FAM135A: variants seen among roughly 807,000 people sequenced by gnomAD.
FAM135A encodes the protein protein FAM135A.
A neutral mutation model predicts 146.8 loss-of-function variants in FAM135A; 79 were observed. The ratio of observed to expected loss-of-function variants is 0.54; its 90% CI spans 0.45 to 0.65. The LOEUF (loss-of-function observed/expected upper bound fraction) is 0.65, where lower values mean the gene tolerates loss of function less well. FAM135A is among the 30% of genes least tolerant of loss of function. The pLI, the probability that FAM135A is intolerant of heterozygous loss-of-function variation, is 0.00. For synonymous variants in FAM135A, 562 were observed against 603.6 expected, an observed-to-expected ratio of 0.93 and a Z score of 1.01; for missense variants, 1,623 against 1,758.2, an observed-to-expected ratio of 0.92 and a Z score of 1.38.
chr6:70,493,576 C>T (rs1786538826), intron 11 of FAM135A, among the ~76,000 whole-genome samples: 1 of 152,078 alleles, frequency 6.6e-6, no homozygotes. Context: ...ATGTCTTTTT[C>T]AGGGATTAGT....
intron 12 of FAM135A, among the ~76,000 whole-genome samples, chr6:70,516,530 C>CTTTTTTTT (rs1174927909): frequency 4.7e-5 from 4 of 84,958 alleles, no homozygotes; most frequent in Non-Finnish European, 6.6e-5. Context: ...ATTTTCTTTT[C>CTTTTTTTT]TTTTTTTTTT....
intron 5 of FAM135A, among the ~76,000 whole-genome samples, chr6:70,465,458 G>GT (rs1011233225): frequency 3.9e-5 from 6 of 152,134 alleles, no homozygotes; most frequent in Middle Eastern, 3.4e-3. Context: ...GTCTCGTTCT[G>GT]TCATCCAGGC....
In FAM135A at chr6:70,543,740, A is replaced by G. The variant is rs547132304; in HGVS notation, c.4228+5339A>G. ...CTGAACATAAGTGTTCCTGAGGTCTATGTCTTTATACAGCATTATACAAAG... is the reference window on the plus strand; with the variant it reads ...CTGAACATAAGTGTTCCTGAGGTCTGTGTCTTTATACAGCATTATACAAAG... On this transcript the variant is annotated intron_variant, in intron 20 of 21. Transcript: ENST00000418814. 2.0e-5 allele frequency among the ~76,000 whole-genome samples: 3 copies of G among 152,360 alleles called. No homozygotes were observed. The East Asian group carries it at 5.8e-4, about 29-fold the overall frequency.
chr6:70,430,496 G>T (rs899529278), intron 4 of FAM135A, among the ~76,000 whole-genome samples: 1 of 152,158 alleles, frequency 6.6e-6, no homozygotes, highest in African/African-American at 2.4e-5. Context: ...AAAAAACTTT[G>T]TGGACTGTCC....
In FAM135A at chr6:70,528,415, T is replaced by C; in HGVS notation, c.3738T>C (p.Asp1246=). 1 of 1,612,864 alleles carries C rather than the reference T, an allele frequency of 6.2e-7. No homozygotes were observed. The highest frequency in any genetic ancestry group is 2.2e-5 in the East Asian group (1 of 44,836). Residue 1246 remains aspartate, a synonymous_variant, in exon 16 of 22, where the codon GAT becomes GAC. Coordinates refer to ENST00000418814, the MANE Select transcript of FAM135A (RefSeq NM_001162529.3). The stretch of plus-strand genomic sequence containing the variant: ...TAGAAGAAGAGGATGGTTCTGAAGA[T>C]GGAGTACATCTGATTGTCTGTGTGC... ...FSVEEEDGSE[D]GVHLIVCVHG...
chr6:70,487,925 A>G (rs559447801), intron 10 of FAM135A, among the ~76,000 whole-genome samples: 1 of 152,326 alleles, frequency 6.6e-6, no homozygotes, highest in Non-Finnish European at 1.5e-5. Flanking sequence ...TAATGAAGTT[A>G]GTTAACACTT....
At chr6:70,510,108 G>A (rs141812573) in intron 12 of FAM135A, among the ~76,000 whole-genome samples, 188 of 152,126 alleles carry the variant, frequency 1.2e-3, no homozygotes, top group African/African-American at 4.4e-3. Flanking sequence ...AAAAAATACT[G>A]TAGAACACTA....
chr6:70,513,604 T>A (rs575092135), intron 12 of FAM135A, among the ~76,000 whole-genome samples: 1 of 151,966 alleles, frequency 6.6e-6, no homozygotes, highest in Non-Finnish European at 1.5e-5. Context: ...CATAAGCATT[T>A]TATATTATCT....
intron 20 of FAM135A, among the ~76,000 whole-genome samples, chr6:70,554,139 G>T (rs1233482232): frequency 6.6e-6 from 1 of 152,064 alleles, no homozygotes; most frequent in Non-Finnish European, 1.5e-5. Flanking sequence ...TTAGAGAGAT[G>T]AGTAAAGAAT....
At chr6:70,506,715 C>CT (rs757239054) in intron 12 of FAM135A, among the ~76,000 whole-genome samples, 9 of 123,266 alleles carry the variant, frequency 7.3e-5, no homozygotes, top group African/African-American at 8.9e-5. Context: ...ATTTTTTTCT[C>CT]TTTTTTTTTT....
chr6:70,507,105 T>C (rs1274899771), intron 12 of FAM135A, among the ~76,000 whole-genome samples: 1 of 152,028 alleles, frequency 6.6e-6, no homozygotes, highest in Non-Finnish European at 1.5e-5. Context: ...GCTTCCCTTT[T>C]CTCACCCCAT....
chr6:70,525,369 A>G lies in FAM135A; in HGVS notation c.2285A>G (p.Tyr762Cys), dbSNP rs1185493610. The G allele has an allele frequency of 1.9e-6, 3 of 1,613,558 alleles. No individual in the cohort carries two copies. Among genetic ancestry groups the G allele is most frequent in the Admixed American group, 3.3e-5 (2 of 59,980 alleles). ...AAGTTACCAGATATTAGTGCCACAT[A>G]TGCCTCATCTAGATTTTCAGATTCA... ...TIKLPDISATYASSRFSDSGV... is the reference protein window; with the variant it reads ...TIKLPDISATCASSRFSDSGV... The change falls in exon 15 of 22, where the codon TAT (tyrosine) becomes TGT (cysteine). Residue 762 changes from tyrosine (Y) to cysteine (C), a missense_variant. Tyr to Cys is a radical substitution (Grantham distance 194, BLOSUM62 -2). This residue lies in a region of FAM135A where 1,061 missense variants were observed against 1,113.8 expected (regional missense o/e 0.95). Coordinates refer to ENST00000418814, the MANE Select transcript of FAM135A (RefSeq NM_001162529.3).
At chr6:70,457,062 T>C (rs1173045824) in intron 5 of FAM135A, among the ~76,000 whole-genome samples, 1 of 152,234 alleles carries the variant, frequency 6.6e-6, no homozygotes, top group Admixed American at 6.5e-5. Flanking sequence ...GAACACTTTT[T>C]ATCCTGATAA....
intron 2 of FAM135A, among the ~76,000 whole-genome samples, chr6:70,421,867 G>C (rs1402298355): frequency 6.6e-6 from 1 of 152,200 alleles, no homozygotes; most frequent in African/African-American, 2.4e-5. Flanking sequence ...CCAGCCAGCA[G>C]ACTGTGCAGG....
rs1582548213 is a variant in FAM135A at position 70,496,347 on chromosome 6, T to A, written c.873+5264T>A. On this transcript the variant is annotated intron_variant, in intron 11 of 21. Transcript: ENST00000418814. ...TTCATATCCTTCGTCCACTTTTCAA[T>A]GGGGTTGTTTTTTTCTGGTAAATTT... Among the ~76,000 whole-genome samples, 9 of 152,184 alleles carry A rather than the reference T, an allele frequency of 5.9e-5. No homozygotes were observed. In the South Asian group the frequency reaches 1.9e-3, roughly 32 times the overall value.
At chr6:70,545,104 A>G (rs1301021729) in intron 20 of FAM135A, among the ~76,000 whole-genome samples, 1 of 152,068 alleles carries the variant, frequency 6.6e-6, no homozygotes, top group Non-Finnish European at 1.5e-5. Context: ...AGTATTATAG[A>G]TTACAGAAAT....
At chr6:70,435,472 T>G (rs1489508667) in intron 4 of FAM135A, among the ~76,000 whole-genome samples, 2 of 152,090 alleles carry the variant, frequency 1.3e-5, no homozygotes, top group Non-Finnish European at 2.9e-5. Flanking sequence ...TTGGAAAACC[T>G]CTGTAGAACC....
intron 20 of FAM135A, among the ~76,000 whole-genome samples, chr6:70,542,276 A>ACACACACACACACACACACACACACC (rs1242891663): frequency 1.1e-4 from 17 of 149,130 alleles, no homozygotes; most frequent in African/African-American, 3.2e-4. Context: ...ACACACACAC[A>ACACACACACACACACACACACACACC]CCCTTTGCTG....
intron 5 of FAM135A, among the ~76,000 whole-genome samples, chr6:70,454,150 T>C (rs1777749887): frequency 6.6e-6 from 1 of 152,242 alleles, no homozygotes; most frequent in Non-Finnish European, 1.5e-5. Context: ...ATTTTTCTGA[T>C]GACCAGTGAT....
Sources: gnomAD v4.1 joint callset for allele counts (sites outside exome capture counted in the v4.1 genomes callset) on GRCh38, gnomAD v4.1.1 for gene constraint, gnomAD v4.1.1 regional missense constraint, MANE v1.5 for transcripts, NCBI Gene and HGNC (gene_info 2026-07-23, HGNC 2026-07-21) for gene names.